C4BPA: variants seen among roughly 807,000 people sequenced by gnomAD.
C4BPA encodes the protein complement component 4 binding protein alpha.
A neutral mutation model predicts 63.7 loss-of-function variants in C4BPA; 31 were observed. The ratio of observed to expected loss-of-function variants is 0.49; its 90% CI spans 0.37 to 0.66. C4BPA has a LOEUF of 0.66. Ranked by LOEUF, C4BPA falls within the 30% of genes least tolerant of loss-of-function variation. The pLI, the probability that C4BPA is intolerant of heterozygous loss-of-function variation, is 0.00. For missense variants in C4BPA, 572 were observed against 723.3 expected, an observed-to-expected ratio of 0.79 and a Z score of 2.40; for synonymous variants, 259 against 254.7, an observed-to-expected ratio of 1.02 and a Z score of -0.16.
intron 1 of C4BPA, among the ~76,000 whole-genome samples, chr1:207,105,216 A>C (rs948377500): frequency 2.0e-5 from 3 of 152,190 alleles, no homozygotes; most frequent in Non-Finnish European, 4.4e-5. Context: ...AAGCTTAGAG[A>C]TATGTTTGAA....
At chr1:207,107,533 A>G (rs773193105) in intron 1 of C4BPA, among the ~76,000 whole-genome samples, 21 of 152,202 alleles carry the variant, frequency 1.4e-4, no homozygotes, top group Non-Finnish European at 2.9e-4. Flanking sequence ...TGGGTGACAC[A>G]GAGTGAGACC....
chr1:207,104,885 T>G (rs754492299), intron 1 of C4BPA, among the ~76,000 whole-genome samples: 1 of 152,120 alleles, frequency 6.6e-6, no homozygotes, highest in Non-Finnish European at 1.5e-5. Context: ...CCACTCCAAA[T>G]CTCCTCCACC....
chr1:207,132,888 G>C (rs1685191898), intron 8 of C4BPA, among the ~76,000 whole-genome samples: 1 of 152,046 alleles, frequency 6.6e-6, no homozygotes, highest in Admixed American at 6.6e-5. Context: ...AGCGGGATGT[G>C]GTGGCACACG....
intron 4 of C4BPA, among the ~76,000 whole-genome samples, chr1:207,120,798 T>G (rs968558459): frequency 2.0e-5 from 3 of 152,208 alleles, no homozygotes; most frequent in African/African-American, 7.2e-5. Flanking sequence ...GAGTTTGCTA[T>G]ATACACATCA....
rs1293373353 is a variant in C4BPA, at chr1:207,115,402, A to C, written c.329-14A>C. ...ACTTGGAAGTACTAATCATCATTTA[A>C]ATTTTTCTCCCAGACAAACGATGCA... On this transcript the variant is annotated splice_polypyrimidine_tract_variant and intron_variant, in intron 3 of 11. Coordinates refer to ENST00000367070, the MANE Select transcript of C4BPA (RefSeq NM_000715.4). 2.0e-6 allele frequency: 3 copies of C among 1,487,986 alleles called. No individual in the cohort carries two copies. Among genetic ancestry groups the C allele is most frequent in the East Asian group, 4.6e-5 (2 of 43,112 alleles). 92.2% of individuals were successfully genotyped at this position (1,487,986 alleles called of 1,614,324 possible). A position where few individuals can be genotyped will look rare whatever the true frequency, so the allele number is the denominator to read the frequency against.
intron 2 of C4BPA, among the ~76,000 whole-genome samples, chr1:207,113,839 T>C (rs1272271258): frequency 1.3e-5 from 2 of 152,146 alleles, no homozygotes; most frequent in African/African-American, 2.4e-5. Context: ...ATCCCATATG[T>C]AGCAGAGAAG....
At chr1:207,108,212 G>A (rs1377171408) in intron 1 of C4BPA, among the ~76,000 whole-genome samples, 1 of 151,986 alleles carries the variant, frequency 6.6e-6, no homozygotes, top group Non-Finnish European at 1.5e-5. Context: ...CAGATAAAGA[G>A]GAAAGTGTAA....
At position 207,141,043 on chromosome 1, in the gene C4BPA, C is replaced by A. The variant is rs12043615; in HGVS notation, c.1274-63C>A. ...CCTCCTACAAACTACATGTATTCTGCAATGTGCTACTTTATACACTTTACA... is the reference window on the plus strand; with the variant it reads ...CCTCCTACAAACTACATGTATTCTGAAATGTGCTACTTTATACACTTTACA... On this transcript the variant is annotated intron_variant, in intron 9 of 11. Coordinates refer to ENST00000367070, the MANE Select transcript of C4BPA (RefSeq NM_000715.4). 3,605 of 1,289,782 alleles carry A rather than the reference C, an allele frequency of 2.8e-3. 140 individuals are homozygous for A. In the Admixed American group the frequency reaches 0.061, roughly 22 times the overall value. The allele number at this position is 1,289,782 out of a possible 1,614,324, so 79.9% of individuals were successfully genotyped here.
chr1:207,128,478 A>T (rs971231832), intron 7 of C4BPA, among the ~76,000 whole-genome samples: 5 of 152,196 alleles, frequency 3.3e-5, no homozygotes, highest in African/African-American at 1.2e-4. Context: ...AGGAACTTTA[A>T]TTGGATTAGA....
intron 4 of C4BPA, among the ~76,000 whole-genome samples, chr1:207,118,240 T>TATC (rs1230521029): frequency 6.6e-6 from 1 of 150,386 alleles, no homozygotes; most frequent in Admixed American, 6.6e-5. Context: ...TCTATCTATC[T>TATC]ATCTATCATC....
intron 9 of C4BPA, among the ~76,000 whole-genome samples, chr1:207,136,423 C>T (rs1685280406): frequency 6.6e-6 from 1 of 152,200 alleles, no homozygotes; most frequent in African/African-American, 2.4e-5. Flanking sequence ...TCTCATATGT[C>T]CACTTACCTG....
chr1:207,129,021 A>G (rs998579828), intron 7 of C4BPA, among the ~76,000 whole-genome samples: 2 of 152,212 alleles, frequency 1.3e-5, no homozygotes, highest in Non-Finnish European at 2.9e-5. Context: ...TGTCCCAAGA[A>G]CTAAAGGAAA....
At position 207,141,197 on chromosome 1, in the gene C4BPA, T is replaced by A; in HGVS notation, c.1365T>A (p.Asp455Glu). The part of the protein sequence containing the change: ...FFKEEIIYEC[D>E]KGYILVGQAK... ...AAGAAGAGATTATATATGAATGTGATAAAGGCTACATTCTGGTCGGACAGG... is the reference window on the plus strand; with the variant it reads ...AAGAAGAGATTATATATGAATGTGAAAAAGGCTACATTCTGGTCGGACAGG... The change falls in exon 10 of 12, where the codon GAT becomes GAA. Residue 455 changes from aspartate to glutamate, a missense_variant. Transcript: ENST00000367070. The A allele has an allele frequency of 6.2e-7, 1 of 1,613,372 alleles. No individual in the cohort carries two copies.
At chr1:207,115,137 C>T (rs1684756773) in intron 3 of C4BPA, among the ~76,000 whole-genome samples, 1 of 152,188 alleles carries the variant, frequency 6.6e-6, no homozygotes, top group African/African-American at 2.4e-5. Flanking sequence ...TGAAGCAAAG[C>T]TCTCCCGTCC....
intron 4 of C4BPA, 64 bp from the exon 5 acceptor site, chr1:207,123,858 G>T: frequency 1.1e-6 from 1 of 887,578 alleles, no homozygotes; most frequent in South Asian, 1.4e-5. Context: ...TATTTGCTCA[G>T]ACCTCTTTAA....
chr1:207,134,418 G>T lies in C4BPA; in HGVS notation c.1099G>T (p.Glu367Ter). 1 of 1,613,126 alleles carries T rather than the reference G, an allele frequency of 6.2e-7. No homozygotes were observed. The highest frequency in any genetic ancestry group is 1.1e-5 in the South Asian group (1 of 90,978). Reference protein sequence around the residue: ...YQGCEALCCPEPKLNNGEITQ... With the variant: ...YQGCEALCCP ...TTATTTTTCAGCGTTATGTTGCCCTGAACCAAAGCTAAATAATGGTGAAAT... is the reference window on the plus strand; with the variant it reads ...TTATTTTTCAGCGTTATGTTGCCCTTAACCAAAGCTAAATAATGGTGAAAT... Residue 367 changes from glutamate to a stop codon, truncating the protein, a stop_gained, in exon 9 of 12, where the codon GAA becomes TAA. Coordinates refer to ENST00000367070, the MANE Select transcript of C4BPA (RefSeq NM_000715.4). LOFTEE classifies it high-confidence loss of function.
At chr1:207,112,129 T>C (rs1169406325) in intron 1 of C4BPA, among the ~76,000 whole-genome samples, 1 of 152,130 alleles carries the variant, frequency 6.6e-6, no homozygotes, top group African/African-American at 2.4e-5. Context: ...CTAATTTTGC[T>C]TTAAACAAGT....
intron 4 of C4BPA, among the ~76,000 whole-genome samples, chr1:207,117,259 G>T (rs552776631): frequency 6.6e-6 from 1 of 152,086 alleles, no homozygotes; most frequent in African/African-American, 2.4e-5. Flanking sequence ...AGACCAGCCC[G>T]GGCAACACAG....
intron 9 of C4BPA, among the ~76,000 whole-genome samples, chr1:207,137,961 G>A (rs1185043298): frequency 6.6e-6 from 1 of 152,152 alleles, no homozygotes; most frequent in African/African-American, 2.4e-5. Flanking sequence ...TGGTGTTAAT[G>A]TTGGAGGGGT....
Sources: allele counts gnomAD v4.1 joint callset (sites outside exome capture counted in the v4.1 genomes callset), GRCh38; gene constraint gnomAD v4.1.1; transcripts MANE v1.5; gene names NCBI Gene and HGNC (gene_info 2026-07-23, HGNC 2026-07-21).